The following CERS6 variants were observed in gnomAD, a reference collection of about 807,000 sequenced individuals.
CERS6 encodes ceramide synthase 6.
In CERS6, 26 loss-of-function variants were observed where a neutral mutation model predicts 56.8. That is an observed-to-expected ratio of 0.46 (90% CI 0.34 to 0.63). CERS6 has a LOEUF of 0.63. Ranked by LOEUF, CERS6 falls within the 30% of genes least tolerant of loss-of-function variation. CERS6 has a pLI of 0.01. For missense variants in CERS6, 415 were observed against 467.5 expected (o/e 0.89, Z 1.04); for synonymous variants, 164 against 173.3 (o/e 0.95, Z 0.42).
chr2:168,487,284 T>C (rs1171438167), intron 1 of CERS6, among the ~76,000 whole-genome samples: 1 of 152,218 alleles, frequency 6.6e-6, no homozygotes, highest in Non-Finnish European at 1.5e-5. Flanking sequence ...AAGACTCTGA[T>C]CCATGGGTCT....
intron 3 of CERS6, 93 bp downstream of exon 3, chr2:168,561,415 C>A: frequency 7.1e-7 from 1 of 1,411,888 alleles, no homozygotes; most frequent in South Asian, 1.4e-5. Flanking sequence ...GCTTCAGCAG[C>A]CCTTAAAAAG....
chr2:168,615,391 A>G (rs1035195759), intron 3 of CERS6, among the ~76,000 whole-genome samples: 1 of 152,168 alleles, frequency 6.6e-6, no homozygotes, highest in African/African-American at 2.4e-5. Context: ...CTGAAAAAGA[A>G]TCCAGAAAGT....
chr2:168,558,814 A>T (rs1695732747), intron 2 of CERS6, among the ~76,000 whole-genome samples: 1 of 152,218 alleles, frequency 6.6e-6, no homozygotes, highest in African/African-American at 2.4e-5. Context: ...GCTTGCAGTG[A>T]GCAGAGATTG....
At position 168,472,265 on chromosome 2, in the gene CERS6, T is replaced by C. The variant is rs184176818; in HGVS notation, c.170+15647T>C. Among the ~76,000 whole-genome samples, 8 of 152,328 alleles carry C rather than the reference T, an allele frequency of 5.3e-5. No individual in the cohort carries two copies. The East Asian group carries it at 7.7e-4, about 15-fold the overall frequency. The stretch of plus-strand genomic sequence containing the variant: ...AAAGTATACCTTCTTGTACAGCTCA[T>C]TGAATTATCACAGCAAAGTGAATAC... On this transcript the variant is annotated intron_variant, in intron 1 of 9. Transcript: ENST00000305747.
At chr2:168,521,437 T>C (rs10930327) in intron 1 of CERS6, among the ~76,000 whole-genome samples, 46,633 of 151,946 alleles carry the variant, frequency 0.31, 7,664 homozygotes, top group African/African-American at 0.4. Flanking sequence ...TCATGAAGAT[T>C]CCATGAGATA....
chr2:168,514,895 C>G (rs1159780981), intron 1 of CERS6, among the ~76,000 whole-genome samples: 1 of 152,118 alleles, frequency 6.6e-6, no homozygotes, highest in Non-Finnish European at 1.5e-5. Context: ...TTCACTCGGC[C>G]AGCATAACAA....
At chr2:168,557,395 C>T (rs1389696241) in intron 2 of CERS6, among the ~76,000 whole-genome samples, 1 of 152,100 alleles carries the variant, frequency 6.6e-6, no homozygotes, top group East Asian at 1.9e-4. Context: ...TAACAGGGTT[C>T]CTTGTGTGAC....
intron 8 of CERS6, among the ~76,000 whole-genome samples, chr2:168,723,954 T>A (rs115087512): frequency 2.2e-4 from 34 of 152,350 alleles, no homozygotes; most frequent in African/African-American, 7.9e-4. Flanking sequence ...TATCAAATAA[T>A]CAAATATTTA....
chr2:168,497,555 G>A (rs1694495232), intron 1 of CERS6, among the ~76,000 whole-genome samples: 1 of 152,208 alleles, frequency 6.6e-6, no homozygotes, highest in Admixed American at 6.5e-5. Flanking sequence ...TGAAGGAGGT[G>A]AGGGAGCCAA....
intron 1 of CERS6, among the ~76,000 whole-genome samples, chr2:168,468,810 A>G (rs1008585196): frequency 6.6e-6 from 1 of 151,886 alleles, no homozygotes; most frequent in African/African-American, 2.4e-5. Context: ...TCTGAGGAAG[A>G]TGTTGATTCT....
At chr2:168,468,828 G>C (rs542776162) in intron 1 of CERS6, among the ~76,000 whole-genome samples, 1 of 151,776 alleles carries the variant, frequency 6.6e-6, no homozygotes, top group South Asian at 2.1e-4. Flanking sequence ...TCTTCTTCTT[G>C]TAGCTGGCAG....
At chr2:168,575,434 C>G (rs1002557515) in intron 3 of CERS6, among the ~76,000 whole-genome samples, 1 of 151,886 alleles carries the variant, frequency 6.6e-6, no homozygotes, top group African/African-American at 2.4e-5. Context: ...GGAAGTGCCA[C>G]TTCCTCACTC....
intron 3 of CERS6, among the ~76,000 whole-genome samples, chr2:168,591,890 A>G (rs996726272): frequency 6.6e-6 from 1 of 152,232 alleles, no homozygotes; most frequent in Non-Finnish European, 1.5e-5. Flanking sequence ...CTAATGGAAT[A>G]GAGTGAATCT....
At chr2:168,638,609 T>G (rs1015436894) in intron 4 of CERS6, among the ~76,000 whole-genome samples, 3 of 152,198 alleles carry the variant, frequency 2.0e-5, no homozygotes, top group Non-Finnish European at 4.4e-5. Context: ...CAGAATAAAT[T>G]AAAAACTTTT....
rs1319309036 is a variant in CERS6 at position 168,772,582 on chromosome 2, T to C, written c.*2920T>C. 1 of 152,628 alleles carries C rather than the reference T, an allele frequency of 6.6e-6. No individual in the cohort carries two copies. The highest frequency in any genetic ancestry group is 2.4e-5 in the African/African-American group (1 of 41,456). 9.5% of individuals were successfully genotyped at this position (152,628 alleles called of 1,614,324 possible). A position where few individuals can be genotyped will look rare whatever the true frequency, so the allele number is the denominator to read the frequency against. ...CCCCACACACCTGAAGGTGGTAGAATCTTTTCAGCCTCTTAGCCAGTGAGC... is the reference window on the plus strand; with the variant it reads ...CCCCACACACCTGAAGGTGGTAGAACCTTTTCAGCCTCTTAGCCAGTGAGC... On this transcript the variant is annotated 3_prime_UTR_variant, in exon 10 of 10. Coordinates refer to ENST00000305747, the MANE Select transcript of CERS6 (RefSeq NM_203463.3).
chr2:168,636,345 G>C (rs970828415), intron 4 of CERS6, among the ~76,000 whole-genome samples: 1 of 152,136 alleles, frequency 6.6e-6, no homozygotes, highest in Non-Finnish European at 1.5e-5. Context: ...AGCAGTTTAA[G>C]TAACTTTTTA....
intron 2 of CERS6, among the ~76,000 whole-genome samples, chr2:168,560,507 C>T (rs1432007872): frequency 3.3e-5 from 5 of 152,140 alleles, no homozygotes; most frequent in Non-Finnish European, 7.4e-5. Flanking sequence ...AGGGCCATCT[C>T]TTGCCGCTTC....
intron 4 of CERS6, among the ~76,000 whole-genome samples, chr2:168,687,056 A>G (rs1686370346): frequency 6.6e-6 from 1 of 152,062 alleles, no homozygotes; most frequent in Non-Finnish European, 1.5e-5. Context: ...TCTCCCTTCA[A>G]TAGGAATGGA....
At chr2:168,766,855 C>G (rs1038324400) in intron 9 of CERS6, among the ~76,000 whole-genome samples, 1 of 152,188 alleles carries the variant, frequency 6.6e-6, no homozygotes, top group African/African-American at 2.4e-5. Context: ...GTCGGGGCAT[C>G]TAGTCGTGTA....
Sources: gnomAD v4.1 joint callset for allele counts (sites outside exome capture counted in the v4.1 genomes callset) on GRCh38, gnomAD v4.1.1 for gene constraint, MANE v1.5 for transcripts, NCBI Gene and HGNC (gene_info 2026-07-23, HGNC 2026-07-21) for gene names.